CCDC91: variants seen among roughly 807,000 people sequenced by gnomAD.
CCDC91 encodes coiled-coil domain containing 91, also known as coiled-coil domain-containing protein 91.
In CCDC91, 48 loss-of-function variants were observed where a neutral mutation model predicts 63.2. That is an observed-to-expected ratio of 0.76 (90% CI 0.60 to 0.97). The LOEUF (loss-of-function observed/expected upper bound fraction) is 0.97, where lower values mean the gene tolerates loss of function less well. Among genes scored for constraint, CCDC91 ranks in the 50% least tolerant of loss-of-function variants. CCDC91 has a pLI of 0.00. For synonymous variants in CCDC91, 167 were observed against 165.8 expected, an observed-to-expected ratio of 1.01 and a Z score of -0.06; for missense variants, 500 against 494.6, an observed-to-expected ratio of 1.01 and a Z score of -0.10.
intron 12 of CCDC91, among the ~76,000 whole-genome samples, chr12:28,527,631 G>A (rs548563992): frequency 2.9e-4 from 44 of 152,136 alleles, no homozygotes; most frequent in African/African-American, 5.1e-4. Flanking sequence ...TATGGGGGGG[G>A]AACATTTGGT....
chr12:28,501,637 A>G (rs1160940828), intron 12 of CCDC91, among the ~76,000 whole-genome samples: 4 of 151,484 alleles, frequency 2.6e-5, no homozygotes, highest in African/African-American at 9.7e-5. Flanking sequence ...TTTTGCATCA[A>G]TGTTCATCAA....
intron 1 of CCDC91, among the ~76,000 whole-genome samples, chr12:28,256,429 T>C (rs1356669834): frequency 6.6e-6 from 1 of 151,598 alleles, no homozygotes; most frequent in Non-Finnish European, 1.5e-5. Context: ...AAGCTGCTGC[T>C]CCTTTTTTTT....
At chr12:28,507,519 C>G (rs1938879146) in intron 12 of CCDC91, among the ~76,000 whole-genome samples, 1 of 151,954 alleles carries the variant, frequency 6.6e-6, no homozygotes. Context: ...AGATATTTGT[C>G]CAAGGGATTT....
intron 8 of CCDC91, among the ~76,000 whole-genome samples, chr12:28,442,193 C>T (rs745642304): frequency 1.3e-5 from 2 of 152,070 alleles, no homozygotes; most frequent in Non-Finnish European, 2.9e-5. Flanking sequence ...ATTCAGAGAA[C>T]ACATTGAATC....
Position 28,452,382 on chromosome 12 carries a change from A to G in CCDC91, c.925-96A>G, listed in dbSNP as rs1244401232. The G allele has an allele frequency of 1.1e-5, 9 of 804,490 alleles. No homozygotes were observed. The East Asian group carries it at 2.4e-4, about 21-fold the overall frequency. 49.8% of individuals were successfully genotyped at this position (804,490 alleles called of 1,614,324 possible). ...CAATGTTAGAACTAAACACTATAGG[A>G]TCAAAGTTTTTTATCTTTTAGGTTA... On this transcript the variant is annotated intron_variant, in intron 10 of 12. Coordinates refer to ENST00000536442, the MANE Select transcript of CCDC91 (RefSeq NM_018318.5).
intron 6 of CCDC91, among the ~76,000 whole-genome samples, chr12:28,328,502 TAGAA>T (rs1174676208): frequency 7.2e-5 from 11 of 152,232 alleles, no homozygotes; most frequent in Admixed American, 2.0e-4. Context: ...ATTGCCAATT[TAGAA>T]AGAGCAACAT....
chr12:28,532,908 G>T (rs1941859009), intron 12 of CCDC91, among the ~76,000 whole-genome samples: 1 of 151,998 alleles, frequency 6.6e-6, no homozygotes, highest in Non-Finnish European at 1.5e-5. Context: ...GAAGAAAATG[G>T]GTATCATTGG....
At chr12:28,460,795 ATGTGTG>A (rs1054459426) in intron 11 of CCDC91, among the ~76,000 whole-genome samples, 2 of 97,182 alleles carry the variant, frequency 2.1e-5, no homozygotes, top group Non-Finnish European at 6.1e-5. Flanking sequence ...ATATATCTGT[ATGTGTG>A]TGTGTGTGTG....
intron 2 of CCDC91, among the ~76,000 whole-genome samples, chr12:28,258,837 G>A (rs1946628761): frequency 6.6e-6 from 1 of 151,934 alleles, no homozygotes; most frequent in Non-Finnish European, 1.5e-5. Context: ...TTCCAAAATA[G>A]GACGGCTTGT....
intron 3 of CCDC91, among the ~76,000 whole-genome samples, chr12:28,291,570 A>G (rs1436940363): frequency 1.3e-5 from 2 of 152,164 alleles, no homozygotes; most frequent in East Asian, 3.9e-4. Flanking sequence ...TTTGTGGTGC[A>G]AGTTTGGCTT....
chr12:28,341,229 A>G (rs2137980064), intron 6 of CCDC91, among the ~76,000 whole-genome samples: 1 of 152,232 alleles, frequency 6.6e-6, no homozygotes, highest in East Asian at 1.9e-4. Context: ...GGGATTTTAT[A>G]AGCATAGGAT....
chr12:28,309,912 G>T (rs1176235686), intron 6 of CCDC91, among the ~76,000 whole-genome samples: 1 of 151,432 alleles, frequency 6.6e-6, no homozygotes, highest in African/African-American at 2.4e-5. Context: ...TTTCCATACC[G>T]CTTATTCCTA....
chr12:28,326,263 C>T (rs907700332), intron 6 of CCDC91, among the ~76,000 whole-genome samples: 2 of 151,850 alleles, frequency 1.3e-5, no homozygotes, highest in East Asian at 1.9e-4. Flanking sequence ...AACTACGGTT[C>T]GTTTTTGAGC....
intron 8 of CCDC91, chr12:28,412,882 A>G (rs1249534975): frequency 1.2e-5 from 5 of 429,302 alleles, no homozygotes; most frequent in East Asian, 1.5e-4. Flanking sequence ...CCAACTCCCT[A>G]CTCGACCCAG....
At chr12:28,442,462 G>A (rs1291493612) in intron 8 of CCDC91, among the ~76,000 whole-genome samples, 1 of 151,962 alleles carries the variant, frequency 6.6e-6, no homozygotes, top group East Asian at 1.9e-4. Context: ...TAATACAAGG[G>A]CAATTTTCTG....
intron 1 of CCDC91, among the ~76,000 whole-genome samples, chr12:28,201,494 A>G (rs61913514): frequency 1.6e-5 from 2 of 127,054 alleles, no homozygotes; most frequent in Non-Finnish European, 3.5e-5. Flanking sequence ...GGCGCTCGTC[A>G]CTTCCTAGAT....
At chr12:28,503,438 G>A (rs1938239619) in intron 12 of CCDC91, among the ~76,000 whole-genome samples, 1 of 152,146 alleles carries the variant, frequency 6.6e-6, no homozygotes, top group Admixed American at 6.6e-5. Context: ...GGAAGCAACA[G>A]GTGCTGGAGA....
At chr12:28,203,436 T>C (rs1026693098) in intron 1 of CCDC91, among the ~76,000 whole-genome samples, 10 of 152,192 alleles carry the variant, frequency 6.6e-5, no homozygotes, top group South Asian at 2.1e-4. Flanking sequence ...ATTATACTTA[T>C]ATTCCACCAC....
intron 8 of CCDC91, among the ~76,000 whole-genome samples, chr12:28,392,345 A>G (rs1434829337): frequency 1.3e-5 from 2 of 152,160 alleles, no homozygotes; most frequent in African/African-American, 4.8e-5. Context: ...GCAAAAGTTT[A>G]TATTTTACTC....
Sources: allele counts gnomAD v4.1 joint callset (sites outside exome capture counted in the v4.1 genomes callset), GRCh38; gene constraint gnomAD v4.1.1; transcripts MANE v1.5; gene names NCBI Gene and HGNC (gene_info 2026-07-23, HGNC 2026-07-21).